TNFRSF10B: variants seen among roughly 807,000 people sequenced by gnomAD.
TNFRSF10B encodes tumor necrosis factor receptor superfamily member 10B.
TNFRSF10B carries 35 observed loss-of-function variants against 41.4 expected under a neutral mutation model. The observed-to-expected ratio is 0.85, with a 90% CI of 0.65 to 1.12. The LOEUF is 1.12. TNFRSF10B is among the 50% of genes most tolerant of loss of function. TNFRSF10B has a pLI of 0.00. For missense variants in TNFRSF10B, 584 were observed against 552.7 expected (o/e 1.06, Z -0.57); for synonymous variants, 230 against 215.5 (o/e 1.07, Z -0.59).
At chr8:23,067,945 T>C (rs115590379) in intron 1 of TNFRSF10B, among the ~76,000 whole-genome samples, 269 of 152,322 alleles carry the variant, frequency 1.8e-3, no homozygotes, top group African/African-American at 5.7e-3. Flanking sequence ...TTCCAGGCGC[T>C]GAGCACACCA....
chr8:23,063,492 G>A lies in TNFRSF10B; in HGVS notation c.144+5259C>T, dbSNP rs149649852. Reference sequence around the variant, plus strand: ...CACATTCAGGTTCCTAATTCTTAAAGCCATTTATGCCCATTTACTCTTTCT... The same window carrying A: ...CACATTCAGGTTCCTAATTCTTAAAACCATTTATGCCCATTTACTCTTTCT... On this transcript the variant is annotated intron_variant, in intron 1 of 8. Coordinates refer to ENST00000276431, the MANE Select transcript of TNFRSF10B (RefSeq NM_003842.5). Among the ~76,000 whole-genome samples, 761 of 152,176 alleles carry A rather than the reference G, an allele frequency of 5.0e-3. 27 individuals are homozygous for A. The highest frequency in any genetic ancestry group is 0.042 in the Admixed American group (639 of 15,294).
intron 1 of TNFRSF10B, among the ~76,000 whole-genome samples, chr8:23,053,172 C>T (rs1336956134): frequency 6.6e-6 from 1 of 152,184 alleles, no homozygotes; most frequent in African/African-American, 2.4e-5. Flanking sequence ...TGCTTTGCAG[C>T]TAGGTAAGGC....
In TNFRSF10B at chr8:23,022,769, G is replaced by A. The variant is rs769800252; in HGVS notation, c.1225C>T (p.Leu409=). The part of the protein sequence containing the change: ...VHTLLDALET[L]GERLAKQKIE... ...TTCTGCTTGGCAAGTCTCTCTCCCA[G>A]CGTCTCCAAGGCATCCAGCAGGGTG... The change falls in exon 9 of 9, where the codon CTG becomes TTG. Residue 409 remains leucine, a synonymous_variant. Transcript: ENST00000276431. 1.1e-5 allele frequency: 18 copies of A among 1,613,952 alleles called. No individual in the cohort carries two copies. The South Asian group carries it at 1.9e-4, about 17-fold the overall frequency.
At chr8:23,042,535 T>C (rs963712487) in intron 2 of TNFRSF10B, among the ~76,000 whole-genome samples, 3 of 152,062 alleles carry the variant, frequency 2.0e-5, no homozygotes, top group African/African-American at 7.2e-5. Flanking sequence ...GGGGAGCGCC[T>C]CACACTCAAG....
chr8:23,057,395 G>A (rs908939088), intron 1 of TNFRSF10B, among the ~76,000 whole-genome samples: 1 of 147,850 alleles, frequency 6.8e-6, no homozygotes, highest in Non-Finnish European at 1.5e-5. Context: ...TAATTGCTTA[G>A]AACAGTGTAT....
intron 1 of TNFRSF10B, among the ~76,000 whole-genome samples, chr8:23,045,059 A>AT (rs1812315446): frequency 8.4e-6 from 1 of 119,190 alleles, no homozygotes; most frequent in Admixed American, 8.8e-5. Flanking sequence ...CTAATAAAAT[A>AT]CAAAAAAAAA....
At chr8:23,059,503 G>A (rs1290704189) in intron 1 of TNFRSF10B, among the ~76,000 whole-genome samples, 1 of 131,960 alleles carries the variant, frequency 7.6e-6, no homozygotes, top group Non-Finnish European at 1.6e-5. Flanking sequence ...CTTATTGTGT[G>A]TGTGTGTTGT....
At position 23,065,877 on chromosome 8, in the gene TNFRSF10B, C is replaced by T. The variant is rs541260457; in HGVS notation, c.144+2874G>A. Reference sequence around the variant, plus strand: ...AAATGTAATCAACAGAAACAGTGGCCGTAATAACAGATATAATGGTGTTGA... The same window carrying T: ...AAATGTAATCAACAGAAACAGTGGCTGTAATAACAGATATAATGGTGTTGA... On this transcript the variant is annotated intron_variant, in intron 1 of 8. Coordinates refer to ENST00000276431, the MANE Select transcript of TNFRSF10B (RefSeq NM_003842.5). Among the ~76,000 whole-genome samples the T allele has an allele frequency of 2.4e-4, 37 of 151,912 alleles. No individual in the cohort carries two copies. The Middle Eastern group carries it at 0.01, about 42-fold the overall frequency.
chr8:23,023,362 T>C (rs1367714912), intron 8 of TNFRSF10B, among the ~76,000 whole-genome samples: 7 of 152,182 alleles, frequency 4.6e-5, no homozygotes, highest in Non-Finnish European at 1.5e-5. Flanking sequence ...GCGCTTGTCA[T>C]GGGAGCAGGT....
At chr8:23,054,868 C>T (rs969306375) in intron 1 of TNFRSF10B, among the ~76,000 whole-genome samples, 2 of 152,052 alleles carry the variant, frequency 1.3e-5, no homozygotes, top group African/African-American at 4.8e-5. Flanking sequence ...ATTTAAAACG[C>T]CTATGTAAAA....
intron 1 of TNFRSF10B, among the ~76,000 whole-genome samples, chr8:23,051,549 T>C (rs1812518538): frequency 1.5e-5 from 1 of 68,412 alleles, no homozygotes; most frequent in African/African-American, 4.1e-5. Flanking sequence ...AAAATACTCT[T>C]TTTTTTTTTT....
chr8:23,034,099 G>A (rs1017850192), intron 2 of TNFRSF10B, among the ~76,000 whole-genome samples: 69 of 152,322 alleles, frequency 4.5e-4, no homozygotes, highest in African/African-American at 1.7e-3. Flanking sequence ...ACAAATTGAT[G>A]TTAATGGGCA....
chr8:23,061,037 G>T (rs1812816510), intron 1 of TNFRSF10B, among the ~76,000 whole-genome samples: 1 of 152,068 alleles, frequency 6.6e-6, no homozygotes, highest in Admixed American at 6.5e-5. Flanking sequence ...ACACAGTTTA[G>T]ATATACCCCA....
chr8:23,037,837 T>C (rs932810298), intron 2 of TNFRSF10B, among the ~76,000 whole-genome samples: 1 of 152,180 alleles, frequency 6.6e-6, no homozygotes, highest in East Asian at 1.9e-4. Context: ...ATTGCTAGGA[T>C]TCATGTGTCC....
At chr8:23,030,666 C>T in intron 3 of TNFRSF10B, 93 bp downstream of exon 3, 1 of 930,178 alleles carries the variant, frequency 1.1e-6, no homozygotes, top group Non-Finnish European at 1.7e-6. Context: ...CAAGGTGGAC[C>T]AGAATCTAGG....
At chr8:23,029,163 C>T (rs1023992263) in intron 4 of TNFRSF10B, among the ~76,000 whole-genome samples, 1 of 152,284 alleles carries the variant, frequency 6.6e-6, no homozygotes, top group Admixed American at 6.5e-5. Context: ...CTTGAAGGAG[C>T]TCCACCCATG....
At chr8:23,033,815 G>C (rs1018628744) in intron 2 of TNFRSF10B, among the ~76,000 whole-genome samples, 1 of 151,972 alleles carries the variant, frequency 6.6e-6, no homozygotes, top group Non-Finnish European at 1.5e-5. Flanking sequence ...GGGGGGGAGA[G>C]AGAGAGCGAG....
chr8:23,023,589 C>T (rs767927147), intron 8 of TNFRSF10B, among the ~76,000 whole-genome samples: 7 of 152,028 alleles, frequency 4.6e-5, no homozygotes, highest in Non-Finnish European at 1.0e-4. Context: ...TGATGCACCT[C>T]GCCGTCCTCA....
chr8:23,047,616 C>G (rs116435002), intron 1 of TNFRSF10B, among the ~76,000 whole-genome samples: 1 of 151,388 alleles, frequency 6.6e-6, no homozygotes, highest in Non-Finnish European at 1.5e-5. Flanking sequence ...CTCAACATCA[C>G]GAATCATTAG....
Sources: allele counts gnomAD v4.1 joint callset (sites outside exome capture counted in the v4.1 genomes callset), GRCh38; gene constraint gnomAD v4.1.1; transcripts MANE v1.5; gene names NCBI Gene and HGNC (gene_info 2026-07-23, HGNC 2026-07-21).